Variants in ABCA8 observed in about 807,000 individuals in gnomAD.
ABCA8 encodes the protein ABC-type organic anion transporter ABCA8.
In ABCA8, 177 loss-of-function variants were observed where a neutral mutation model predicts 192.3. That is an observed-to-expected ratio of 0.92 (90% CI 0.81 to 1.04). The LOEUF (loss-of-function observed/expected upper bound fraction) is 1.04, where lower values mean the gene tolerates loss of function less well. ABCA8 is among the 50% of genes least tolerant of loss of function. ABCA8 has a pLI of 0.00. For missense variants in ABCA8, 1,915 were observed against 1,904.8 expected (o/e 1.01, Z -0.10); for synonymous variants, 642 against 690.2 (o/e 0.93, Z 1.09).
At chr17:68,885,390 A>G (rs930212625) in intron 26 of ABCA8, 75 bp from the exon 27 acceptor site, 3 of 1,394,238 alleles carry the variant, frequency 2.2e-6, no homozygotes, top group Non-Finnish European at 2.9e-6. Context: ...CTCATCTTGA[A>G]GATATTACTA....
chr17:68,908,815 A>C (rs541483037), intron 17 of ABCA8, among the ~76,000 whole-genome samples: 2 of 152,214 alleles, frequency 1.3e-5, no homozygotes, highest in African/African-American at 2.4e-5. Context: ...CGTGTTATTT[A>C]ACTTATCTAA....
At chr17:68,877,244 C>A in intron 33 of ABCA8, 1 of 289,868 alleles carries the variant, frequency 3.4e-6, no homozygotes. Context: ...GTCTGAAACT[C>A]ACGAGCTCAA....
At chr17:68,870,484 C>T (rs1266422367) in intron 37 of ABCA8, among the ~76,000 whole-genome samples, 1 of 152,204 alleles carries the variant, frequency 6.6e-6, no homozygotes, top group Admixed American at 6.5e-5. Flanking sequence ...TCTTGCTTAA[C>T]TAAAATTTTA....
chr17:68,877,797 T>C (rs1420739836), intron 32 of ABCA8, 118 bp from the exon 33 acceptor site: 1 of 1,087,004 alleles, frequency 9.2e-7, no homozygotes, highest in African/African-American at 1.6e-5. Flanking sequence ...CCTCATTGGG[T>C]TTAATAATCT....
At chr17:68,882,541 C>A in intron 30 of ABCA8, 58 bp downstream of exon 30, 1 of 1,469,360 alleles carries the variant, frequency 6.8e-7, no homozygotes, top group Non-Finnish European at 9.1e-7. Flanking sequence ...AACTCAAAAT[C>A]ATTAGAGAAT....
At chr17:68,868,767 C>T (rs778190003) in intron 38 of ABCA8, among the ~76,000 whole-genome samples, 1 of 152,070 alleles carries the variant, frequency 6.6e-6, no homozygotes, top group Non-Finnish European at 1.5e-5. Flanking sequence ...GACCTCTATC[C>T]AAAAACCATT....
intron 24 of ABCA8, among the ~76,000 whole-genome samples, chr17:68,889,546 G>T (rs551827077): frequency 6.6e-6 from 1 of 151,908 alleles, no homozygotes; most frequent in South Asian, 2.1e-4. Context: ...TTTTAATTTT[G>T]GGGGGTATAA....
At chr17:68,888,632 G>A (rs956099203) in intron 24 of ABCA8, among the ~76,000 whole-genome samples, 6 of 152,180 alleles carry the variant, frequency 3.9e-5, no homozygotes, top group Non-Finnish European at 8.8e-5. Flanking sequence ...GGAGAAAATA[G>A]CAAGGGGGGA....
chr17:68,913,491 C>T (rs570955118), intron 17 of ABCA8, among the ~76,000 whole-genome samples: 1 of 149,756 alleles, frequency 6.7e-6, no homozygotes, highest in Non-Finnish European at 1.5e-5. Context: ...TTTAGCCAGA[C>T]TAAAAAAAAG....
Position 68,937,091 on chromosome 17 carries a change from T to C in ABCA8, c.326A>G (p.Asp109Gly), listed in dbSNP as rs1225456236. 6.2e-7 allele frequency: 1 copy of C among 1,608,500 alleles called. No homozygotes were observed. Among genetic ancestry groups the C allele is most frequent in the Admixed American group, 1.7e-5 (1 of 58,874 alleles). Reference protein sequence around the residue: ...LAGKEVLGLPDEESIKEFTAN... With the variant: ...LAGKEVLGLPGEESIKEFTAN... ...TGTGAATTCTTTAATACTTTCCTCA[T>C]CTGGCAGTCCCAAGACCTCTTTACC... The change falls in exon 5 of 40, where the codon GAT becomes GGT. Residue 109 changes from aspartate to glycine, a missense_variant. By Grantham distance (94) the Asp-to-Gly change is moderately conservative. Coordinates refer to ENST00000586539, the MANE Select transcript of ABCA8 (RefSeq NM_001288985.2).
At position 68,885,163 on chromosome 17, in the gene ABCA8, C is replaced by G. The variant is rs771834418; in HGVS notation, c.3549+33G>C. 40 of 1,587,946 alleles carry G rather than the reference C, an allele frequency of 2.5e-5. No individual in the cohort carries two copies. The Admixed American group carries it at 6.5e-4, about 26-fold the overall frequency. The stretch of plus-strand genomic sequence containing the variant: ...AAGCTTCACAATTGGTCATGAGTTT[C>G]AAGGGACTGGGACAGACTGTGTCAT... On this transcript the variant is annotated intron_variant, in intron 27 of 39. Transcript: ENST00000586539.
At position 68,874,247 on chromosome 17, in the gene ABCA8, C is replaced by T. The variant is rs147516709; in HGVS notation, c.4631+1013G>A. Among the ~76,000 whole-genome samples, 1,200 of 152,232 alleles carry T rather than the reference C, an allele frequency of 7.9e-3. 16 individuals are homozygous for T. The highest frequency in any genetic ancestry group is 0.026 in the African/African-American group (1,089 of 41,530). On this transcript the variant is annotated intron_variant, in intron 37 of 39. Transcript: ENST00000586539. ...TATACTGCATAGTTTCTTAAAGTTC[C>T]TCAAATAGGGTAGAAATCTAGATAT...
intron 20 of ABCA8, 103 bp downstream of exon 20, chr17:68,903,198 T>C: frequency 8.1e-7 from 1 of 1,228,772 alleles, no homozygotes; most frequent in Non-Finnish European, 1.2e-6. Flanking sequence ...TTCTGCTGCC[T>C]AATTCATCAT....
chr17:68,952,390 TTG>T (rs2068591705), intron 1 of ABCA8, among the ~76,000 whole-genome samples: 1 of 152,146 alleles, frequency 6.6e-6, no homozygotes, highest in South Asian at 2.1e-4. Flanking sequence ...AGCTAATTTT[TTG>T]TGTTTTTAGT....
intron 26 of ABCA8, among the ~76,000 whole-genome samples, chr17:68,885,585 T>A (rs1290498010): frequency 6.6e-6 from 1 of 152,060 alleles, no homozygotes; most frequent in Non-Finnish European, 1.5e-5. Flanking sequence ...TCTTGCTCTG[T>A]TGCCCAGGTA....
chr17:68,915,150 A>T (rs2067323406), intron 17 of ABCA8, among the ~76,000 whole-genome samples: 1 of 152,140 alleles, frequency 6.6e-6, no homozygotes, highest in African/African-American at 2.4e-5. Flanking sequence ...TGGATTAAAG[A>T]CTTACTTATA....
At chr17:68,909,491 C>A (rs1198336108) in intron 17 of ABCA8, among the ~76,000 whole-genome samples, 1 of 152,082 alleles carries the variant, frequency 6.6e-6, no homozygotes, top group African/African-American at 2.4e-5. Context: ...AATGGACTCG[C>A]AAATTGGGCA....
chr17:68,894,989 T>A lies in ABCA8; in HGVS notation c.2789A>T (p.Gln930Leu). ...KTGASIDDFI[Q>L]SVEHQNIALE... The stretch of plus-strand genomic sequence containing the variant: ...AGCTATGTTCTGGTGCTCCACAGAC[T>A]GTATAAAGTCATCAATGCTTGCCCC... Residue 930 changes from glutamine (Q) to leucine (L), a missense_variant, in exon 22 of 40, where the codon CAG (glutamine) becomes CTG (leucine). Transcript: ENST00000586539. 1.9e-6 allele frequency: 3 copies of A among 1,610,998 alleles called. No individual in the cohort carries two copies. Among genetic ancestry groups the A allele is most frequent in the Non-Finnish European group, 2.5e-6 (3 of 1,178,986 alleles).
chr17:68,921,578 C>A, intron 12 of ABCA8, 86 bp from the exon 13 acceptor site: 1 of 718,114 alleles, frequency 1.4e-6, no homozygotes, highest in Non-Finnish European at 2.2e-6. Flanking sequence ...ATTATGGAGC[C>A]AATGAATTGT....
Sources: allele counts gnomAD v4.1 joint callset (sites outside exome capture counted in the v4.1 genomes callset), GRCh38; gene constraint gnomAD v4.1.1; transcripts MANE v1.5; gene names NCBI Gene and HGNC (gene_info 2026-07-23, HGNC 2026-07-21).